GALNTL6: variants seen among roughly 807,000 people sequenced by gnomAD.
The protein encoded by GALNTL6 is polypeptide N-acetylgalactosaminyltransferase like 6.
GALNTL6 carries 46 observed loss-of-function variants against 73.7 expected under a neutral mutation model. The observed-to-expected ratio is 0.62, with a 90% CI of 0.49 to 0.80. GALNTL6 has a LOEUF of 0.80. Among genes scored for constraint, GALNTL6 ranks in the 30% least tolerant of loss-of-function variants. GALNTL6 has a pLI of 0.00. For missense variants in GALNTL6, 604 were observed against 755.0 expected, an observed-to-expected ratio of 0.80 and a Z score of 2.34; for synonymous variants, 259 against 263.7, an observed-to-expected ratio of 0.98 and a Z score of 0.17.
At chr4:172,792,708 C>G (rs1341851401) in intron 5 of GALNTL6, among the ~76,000 whole-genome samples, 1 of 142,204 alleles carries the variant, frequency 7.0e-6, no homozygotes, top group African/African-American at 2.7e-5. Flanking sequence ...GCTACCCAAG[C>G]AGGGATTGTT....
chr4:172,574,152 G>A (rs1157883975), intron 5 of GALNTL6, among the ~76,000 whole-genome samples: 1 of 152,140 alleles, frequency 6.6e-6, no homozygotes, highest in Admixed American at 6.5e-5. Flanking sequence ...ATCTCAGATT[G>A]TAACTATTGC....
At chr4:172,615,456 C>G (rs536108982) in intron 5 of GALNTL6, among the ~76,000 whole-genome samples, 8 of 152,148 alleles carry the variant, frequency 5.3e-5, no homozygotes, top group African/African-American at 1.9e-4. Context: ...AAAATGAGAC[C>G]ATACTTTGTT....
chr4:172,604,381 A>G (rs1350408636), intron 5 of GALNTL6, among the ~76,000 whole-genome samples: 2 of 152,186 alleles, frequency 1.3e-5, no homozygotes, highest in East Asian at 1.9e-4. Context: ...GCTTAGTATT[A>G]AAAAACTAAA....
intron 5 of GALNTL6, among the ~76,000 whole-genome samples, chr4:172,519,289 G>A (rs910888594): frequency 2.7e-5 from 4 of 150,492 alleles, no homozygotes; most frequent in Non-Finnish European, 5.9e-5. Flanking sequence ...CACTTTCCTT[G>A]CAGCAGTGAT....
At chr4:172,780,891 A>G (rs1048279201) in intron 5 of GALNTL6, among the ~76,000 whole-genome samples, 2 of 152,208 alleles carry the variant, frequency 1.3e-5, no homozygotes, top group African/African-American at 4.8e-5. Flanking sequence ...CAGAGCTACA[A>G]TGCTGCTCAC....
At chr4:172,751,564 GA>G (rs1457190860) in intron 5 of GALNTL6, among the ~76,000 whole-genome samples, 1 of 152,220 alleles carries the variant, frequency 6.6e-6, no homozygotes, top group Non-Finnish European at 1.5e-5. Flanking sequence ...GAAAGGCAGT[GA>G]AAATTTCAGG....
chr4:172,331,459 C>T (rs772875926), intron 4 of GALNTL6, among the ~76,000 whole-genome samples: 3 of 152,078 alleles, frequency 2.0e-5, no homozygotes, highest in Non-Finnish European at 2.9e-5. Context: ...ATTATGGGTA[C>T]AATATCATAC....
intron 2 of GALNTL6, among the ~76,000 whole-genome samples, chr4:171,928,315 G>A (rs1412809268): frequency 6.6e-6 from 1 of 152,146 alleles, no homozygotes; most frequent in Non-Finnish European, 1.5e-5. Flanking sequence ...TTTGAGGTCA[G>A]GGAGTTTAAA....
intron 5 of GALNTL6, among the ~76,000 whole-genome samples, chr4:172,652,093 A>G (rs1270910685): frequency 6.6e-6 from 1 of 152,216 alleles, no homozygotes; most frequent in African/African-American, 2.4e-5. Context: ...ACACTCCCAT[A>G]TGTCACTGGA....
At chr4:172,204,433 G>C (rs1235629481) in intron 2 of GALNTL6, among the ~76,000 whole-genome samples, 1 of 152,068 alleles carries the variant, frequency 6.6e-6, no homozygotes, top group Non-Finnish European at 1.5e-5. Context: ...GAACACAGTG[G>C]TCTCCTTCAA....
At chr4:172,487,133 TAAAA>T (rs200707551) in intron 5 of GALNTL6, among the ~76,000 whole-genome samples, 1 of 151,736 alleles carries the variant, frequency 6.6e-6, no homozygotes, top group Non-Finnish European at 1.5e-5. Context: ...TCAAGTATAA[TAAAA>T]AAAACAAGAA....
At chr4:172,788,321 A>G (rs1158558492) in intron 5 of GALNTL6, among the ~76,000 whole-genome samples, 1 of 152,232 alleles carries the variant, frequency 6.6e-6, no homozygotes, top group Non-Finnish European at 1.5e-5. Flanking sequence ...GCAGTGAGCC[A>G]TGCTCATGCC....
At chr4:172,686,070 T>A (rs11132954) in intron 5 of GALNTL6, among the ~76,000 whole-genome samples, 116,173 of 151,956 alleles carry the variant, frequency 0.76, 45,715 homozygotes, top group Middle Eastern at 0.9. Flanking sequence ...TATATTTTTT[T>A]AAAAATAAGC....
intron 5 of GALNTL6, among the ~76,000 whole-genome samples, chr4:172,690,908 A>C (rs891493121): frequency 7.2e-5 from 11 of 152,282 alleles, no homozygotes; most frequent in Non-Finnish European, 1.6e-4. Flanking sequence ...GCATATCAGA[A>C]CTCTAAGAGA....
At chr4:172,300,153 T>C (rs1739855833) in intron 3 of GALNTL6, among the ~76,000 whole-genome samples, 1 of 152,204 alleles carries the variant, frequency 6.6e-6, no homozygotes, top group African/African-American at 2.4e-5. Flanking sequence ...TTGATCTTTG[T>C]TGGTTTAAAG....
At chr4:172,879,243 T>C (rs1316290865) in intron 7 of GALNTL6, among the ~76,000 whole-genome samples, 1 of 151,806 alleles carries the variant, frequency 6.6e-6, no homozygotes, top group Non-Finnish European at 1.5e-5. Flanking sequence ...AATAAGCATA[T>C]AGGAGATTTG....
intron 5 of GALNTL6, among the ~76,000 whole-genome samples, chr4:172,483,790 A>G (rs546928283): frequency 2.8e-4 from 42 of 152,328 alleles, no homozygotes; most frequent in Admixed American, 2.5e-3. Flanking sequence ...TACAACATCC[A>G]GTCGGAAGAC....
chr4:171,927,235 A>T (rs746616916), intron 2 of GALNTL6, among the ~76,000 whole-genome samples: 1 of 152,110 alleles, frequency 6.6e-6, no homozygotes, highest in South Asian at 2.1e-4. Flanking sequence ...AACTGATAAG[A>T]TGCCTTCTTC....
chr4:172,092,292 G>A (rs1310177385), intron 2 of GALNTL6, among the ~76,000 whole-genome samples: 1 of 151,714 alleles, frequency 6.6e-6, no homozygotes, highest in Non-Finnish European at 1.5e-5. Flanking sequence ...CATATACCAA[G>A]GCATATCAAA....
Sources: allele counts gnomAD v4.1 joint callset (sites outside exome capture counted in the v4.1 genomes callset), GRCh38; gene constraint gnomAD v4.1.1; transcripts MANE v1.5; gene names NCBI Gene and HGNC (gene_info 2026-07-23, HGNC 2026-07-21).